ANXA7: variants seen among roughly 807,000 people sequenced by gnomAD.
ANXA7 encodes the protein annexin A7, also known as annexin VII.
Under a neutral mutation model 64.9 loss-of-function variants are expected in ANXA7, and 55 were observed. That is an observed-to-expected ratio of 0.85 (90% CI 0.68 to 1.06). The LOEUF (loss-of-function observed/expected upper bound fraction) is 1.06, where lower values mean the gene tolerates loss of function less well. ANXA7 is among the 50% of genes least tolerant of loss of function. ANXA7 has a pLI of 0.00. For missense variants in ANXA7, 548 were observed against 582.1 expected, an observed-to-expected ratio of 0.94 and a Z score of 0.60; for synonymous variants, 200 against 192.4, an observed-to-expected ratio of 1.04 and a Z score of -0.33.
Position 73,388,320 on chromosome 10 carries a change from T to G in ANXA7, c.530A>C (p.Lys177Thr). ...RDAEILRKAM[K>T]GFGTDEQAIV... The stretch of plus-strand genomic sequence containing the variant: ...AAATTTGTTTTCCTTACCAAAACCC[T>G]TCATTGCCTTACGAAGAATTTCTGC... Residue 177 changes from lysine to threonine, a missense_variant, in exon 6 of 13, where the codon AAG becomes ACG. Lys to Thr is a moderately conservative substitution (Grantham distance 78). Transcript: ENST00000372921. The G allele has an allele frequency of 6.2e-7, 1 of 1,613,490 alleles. No individual in the cohort carries two copies. The highest frequency in any genetic ancestry group is 8.5e-7 in the Non-Finnish European group (1 of 1,179,390).
chr10:73,380,033 T>C lies in ANXA7; in HGVS notation c.1087A>G (p.Arg363Gly), dbSNP rs765566566. 6.8e-5 allele frequency: 109 copies of C among 1,613,616 alleles called. No individual in the cohort carries two copies. Among genetic ancestry groups the C allele is most frequent in the Non-Finnish European group, 9.2e-5 (108 of 1,179,920 alleles). Residue 363 changes from arginine (R) to glycine (G), a missense_variant and splice_region_variant, in exon 10 of 13, where the codon AGG becomes GGG. Coordinates refer to ENST00000372921, the MANE Select transcript of ANXA7 (RefSeq NM_001156.5). ...ATCTTCAAAAGAAAAGCTCATACCC[T>C]AGAATAAGCCTCCATGGTAGCTCTC... ...QLRATMEAYSRMANRDLLSSV... is the reference protein window; with the variant it reads ...QLRATMEAYSGMANRDLLSSV...
rs1836896195 is a variant in ANXA7, at chr10:73,407,590, CT to C, written c.-2+6421del. On this transcript the variant is annotated intron_variant, in intron 1 of 12. Transcript: ENST00000372921. Reference sequence around the variant, plus strand: ...AAATTTGTAAATATATGTTTTGGCACTTTTCATCAATACAGCTGTAAATGAT... The same window carrying C: ...AAATTTGTAAATATATGTTTTGGCACTTTCATCAATACAGCTGTAAATGAT... Among the ~76,000 whole-genome samples, 3 of 152,200 alleles carry C rather than the reference CT, an allele frequency of 2.0e-5. No individual in the cohort carries two copies. The South Asian group carries it at 6.2e-4, about 31-fold the overall frequency.
intron 5 of ANXA7, among the ~76,000 whole-genome samples, chr10:73,389,864 A>G (rs1002099111): frequency 3.3e-5 from 5 of 152,176 alleles, no homozygotes; most frequent in Admixed American, 3.3e-4. Flanking sequence ...GCCTCAAGTG[A>G]TCCCCCTGCC....
intron 9 of ANXA7, among the ~76,000 whole-genome samples, chr10:73,381,046 T>A (rs986623830): frequency 1.3e-5 from 2 of 151,480 alleles, no homozygotes; most frequent in African/African-American, 4.9e-5. Flanking sequence ...AGTATAATAT[T>A]TTTTTTTAAG....
rs370055787 is a variant in ANXA7, at chr10:73,398,184, C to G, written c.256G>C (p.Gly86Arg). The G allele has an allele frequency of 1.9e-6, 3 of 1,608,640 alleles. No homozygotes were observed. In the Admixed American group the frequency reaches 5.0e-5, roughly 27 times the overall value. The change falls in exon 3 of 13, where the codon GGA becomes CGA. Residue 86 changes from glycine to arginine, a missense_variant. By Grantham distance (125) the Gly-to-Arg change is moderately radical. Coordinates refer to ENST00000372921, the MANE Select transcript of ANXA7 (RefSeq NM_001156.5). ...PQPGGAPSYP[G>R]VPPGQGFGVP... Reference sequence around the variant, plus strand: ...AATTCCGCAACCCGTAACTCACCTCCGGGATAGGATGGAGCTCCCCCTGGC... The same window carrying G: ...AATTCCGCAACCCGTAACTCACCTCGGGGATAGGATGGAGCTCCCCCTGGC...
intron 4 of ANXA7, among the ~76,000 whole-genome samples, chr10:73,396,823 G>T (rs1468801405): frequency 6.6e-6 from 1 of 152,048 alleles, no homozygotes; most frequent in Non-Finnish European, 1.5e-5. Flanking sequence ...TTTCACACTT[G>T]AATCAGATTA....
intron 7 of ANXA7, among the ~76,000 whole-genome samples, chr10:73,385,760 G>C (rs1315425825): frequency 1.3e-5 from 2 of 152,090 alleles, no homozygotes; most frequent in African/African-American, 4.8e-5. Flanking sequence ...AGCTTAAGGA[G>C]ATCTAGGGTT....
chr10:73,389,263 C>T (rs1430370142), intron 5 of ANXA7, among the ~76,000 whole-genome samples: 1 of 152,146 alleles, frequency 6.6e-6, no homozygotes, highest in Non-Finnish European at 1.5e-5. Context: ...CAGTGTTCTT[C>T]AAAAGCATCA....
chr10:73,386,933 C>T (rs1220215476), intron 7 of ANXA7, among the ~76,000 whole-genome samples: 1 of 152,142 alleles, frequency 6.6e-6, no homozygotes, highest in Non-Finnish European at 1.5e-5. Flanking sequence ...CTTTGGCCTC[C>T]CAAAGTGCTG....
chr10:73,381,077 G>T (rs2055267433), intron 9 of ANXA7, among the ~76,000 whole-genome samples: 1 of 151,956 alleles, frequency 6.6e-6, no homozygotes. Flanking sequence ...TCACTATGTT[G>T]CCCAGGCTGG....
intron 12 of ANXA7, 151 bp downstream of exon 12, chr10:73,378,760 G>C: frequency 3.2e-6 from 2 of 624,532 alleles, no homozygotes; most frequent in South Asian, 1.8e-5. Flanking sequence ...TGAGGAAAGT[G>C]AATTTTCTGT....
intron 3 of ANXA7, 122 bp from the exon 4 acceptor site, chr10:73,397,396 T>C: frequency 2.2e-6 from 1 of 446,068 alleles, no homozygotes; most frequent in Non-Finnish European, 4.0e-6. Flanking sequence ...TAGCAGTCCC[T>C]GTTTATCTAG....
intron 9 of ANXA7, among the ~76,000 whole-genome samples, chr10:73,380,635 T>G (rs776323415): frequency 1.3e-5 from 2 of 152,182 alleles, no homozygotes; most frequent in African/African-American, 4.8e-5. Flanking sequence ...TTCATTTCTA[T>G]GCATGGAAAT....
intron 5 of ANXA7, among the ~76,000 whole-genome samples, chr10:73,394,603 C>T (rs574160698): frequency 2.0e-4 from 31 of 152,210 alleles, no homozygotes; most frequent in South Asian, 1.9e-3. Flanking sequence ...AGCAAACTAT[C>T]GTAAGGACAG....
chr10:73,400,667 T>C (rs532418007), intron 2 of ANXA7, 136 bp downstream of exon 2: 2 of 568,722 alleles, frequency 3.5e-6, no homozygotes, highest in East Asian at 7.2e-5. Context: ...CACAATTGCC[T>C]TTCCTCACTT....
chr10:73,377,142 A>G (rs2132645684), intron 12 of ANXA7, among the ~76,000 whole-genome samples: 1 of 152,318 alleles, frequency 6.6e-6, no homozygotes, highest in Admixed American at 6.5e-5. Flanking sequence ...AAAATGGTAA[A>G]TTTTTATGTT....
At chr10:73,398,778 C>A (rs933060755) in intron 2 of ANXA7, among the ~76,000 whole-genome samples, 1 of 151,962 alleles carries the variant, frequency 6.6e-6, no homozygotes, top group Non-Finnish European at 1.5e-5. Flanking sequence ...TTTCTTGCAA[C>A]ACATCTGGAT....
intron 1 of ANXA7, among the ~76,000 whole-genome samples, chr10:73,408,790 T>C (rs1396749703): frequency 1.3e-5 from 2 of 152,142 alleles, no homozygotes; most frequent in African/African-American, 4.8e-5. Context: ...AGCATTTTTG[T>C]AATAGGAAAA....
chr10:73,384,440 G>C (rs111452937), intron 7 of ANXA7, among the ~76,000 whole-genome samples: 441 of 152,016 alleles, frequency 2.9e-3, no homozygotes, highest in African/African-American at 9.5e-3. Flanking sequence ...CTCGCTCTGT[G>C]GCCCAGGCTG....
Sources: allele counts gnomAD v4.1 joint callset (sites outside exome capture counted in the v4.1 genomes callset), GRCh38; gene constraint gnomAD v4.1.1; transcripts MANE v1.5; gene names NCBI Gene and HGNC (gene_info 2026-07-23, HGNC 2026-07-21).